Variants in CRADD observed in about 807,000 individuals in gnomAD.
CRADD encodes death domain-containing protein CRADD.
Under a neutral mutation model 15.5 loss-of-function variants are expected in CRADD, and 9 were observed. That is an observed-to-expected ratio of 0.58 (90% CI 0.35 to 1.01). The LOEUF is 1.01. Ranked by LOEUF, CRADD falls within the 50% of genes least tolerant of loss-of-function variation. The pLI is 0.02. For synonymous variants in CRADD, 118 were observed against 107.6 expected (o/e 1.10, Z -0.60); for missense variants, 227 against 250.3 (o/e 0.91, Z 0.63).
chr12:93,802,324 C>T (rs979930191), intron 2 of CRADD, among the ~76,000 whole-genome samples: 1 of 152,164 alleles, frequency 6.6e-6, no homozygotes, highest in African/African-American at 2.4e-5. Flanking sequence ...AAAAGTGTTT[C>T]CTTTTAACCA....
At chr12:93,692,732 T>A (rs1217152949) in intron 2 of CRADD, among the ~76,000 whole-genome samples, 1 of 152,174 alleles carries the variant, frequency 6.6e-6, no homozygotes, top group African/African-American at 2.4e-5. Flanking sequence ...TAGTGGAGTC[T>A]TCAAGTGGAA....
chr12:93,749,685 T>C (rs1465410834), intron 2 of CRADD, among the ~76,000 whole-genome samples: 2 of 152,232 alleles, frequency 1.3e-5, no homozygotes. Flanking sequence ...TGAGCAATTC[T>C]CCTGTTATCT....
At position 93,886,955 on chromosome 12, in the gene CRADD, G is replaced by A. The variant is rs141555833; in HGVS notation, c.299-7095G>A. On this transcript the variant is annotated intron_variant, in intron 2 of 2. Transcript: ENST00000548483. ...GCGCAAGACAGAGAGTGAGGTGGGA[G>A]GCTGGTGCCATTCTGATTCTGCAGA... is the stretch of plus-strand genomic sequence containing the variant. Among the ~76,000 whole-genome samples, 195 of 152,328 alleles carry A rather than the reference G, an allele frequency of 1.3e-3. 2 individuals carry two copies. The highest frequency in any genetic ancestry group is 4.5e-3 in the African/African-American group (189 of 41,560).
chr12:93,854,065 T>A (rs532415945), downstream of CRADD, among the ~76,000 whole-genome samples: 1 of 152,366 alleles, frequency 6.6e-6, no homozygotes, highest in South Asian at 2.1e-4. Context: ...ATTAGCTTTT[T>A]TATATAGCAA....
chr12:93,731,020 C>T (rs138375263), intron 2 of CRADD, among the ~76,000 whole-genome samples: 3 of 151,968 alleles, frequency 2.0e-5, no homozygotes, highest in Non-Finnish European at 4.4e-5. Flanking sequence ...ACCCGGCTGA[C>T]CCTCATTTGC....
chr12:93,841,795 G>C (rs879393897), intron 2 of CRADD, among the ~76,000 whole-genome samples: 3 of 152,148 alleles, frequency 2.0e-5, no homozygotes, highest in Non-Finnish European at 4.4e-5. Context: ...CTTCTAAAAA[G>C]CGGCTGTGCT....
At chr12:93,736,793 A>G (rs548824984) in intron 2 of CRADD, among the ~76,000 whole-genome samples, 1 of 152,356 alleles carries the variant, frequency 6.6e-6, no homozygotes, top group East Asian at 1.9e-4. Context: ...AGGATCAACC[A>G]CCAGCATCTA....
chr12:93,781,308 G>T (rs1957207802), intron 2 of CRADD, among the ~76,000 whole-genome samples: 1 of 152,182 alleles, frequency 6.6e-6, no homozygotes. Flanking sequence ...TTCTGAGATT[G>T]TTAGGGCACC....
intron 2 of CRADD, among the ~76,000 whole-genome samples, chr12:93,865,310 T>C (rs905068879): frequency 2.0e-5 from 3 of 152,240 alleles, no homozygotes; most frequent in African/African-American, 4.8e-5. Flanking sequence ...TTGGTATCCA[T>C]GGCAGACTTG....
intron 2 of CRADD, among the ~76,000 whole-genome samples, chr12:93,788,519 A>G (rs1014791292): frequency 6.6e-6 from 1 of 152,066 alleles, no homozygotes; most frequent in African/African-American, 2.4e-5. Flanking sequence ...TCCTTAGCAA[A>G]TGTACCACTG....
intron 2 of CRADD, chr12:93,859,507 A>C (rs991430565): frequency 8.6e-5 from 33 of 382,582 alleles, no homozygotes; most frequent in African/African-American, 6.5e-4. Flanking sequence ...CTGGACAATT[A>C]AGGATATGAT....
intron 2 of CRADD, among the ~76,000 whole-genome samples, chr12:93,682,700 T>G (rs533902884): frequency 2.6e-4 from 39 of 152,286 alleles, no homozygotes; most frequent in African/African-American, 9.1e-4. Context: ...ATCTTGTTCT[T>G]CTCTACTCTT....
intron 2 of CRADD, among the ~76,000 whole-genome samples, chr12:93,745,805 T>G (rs1424489092): frequency 6.6e-6 from 1 of 152,228 alleles, no homozygotes; most frequent in East Asian, 1.9e-4. Context: ...TGGAATGATT[T>G]AGAGTTCTGA....
At chr12:93,825,412 T>C (rs1957812819) in intron 2 of CRADD, among the ~76,000 whole-genome samples, 1 of 152,248 alleles carries the variant, frequency 6.6e-6, no homozygotes, top group Non-Finnish European at 1.5e-5. Flanking sequence ...TGGGAGAAGA[T>C]GATGGTGATA....
chr12:93,737,352 G>T (rs1325632412), intron 2 of CRADD, among the ~76,000 whole-genome samples: 1 of 152,154 alleles, frequency 6.6e-6, no homozygotes, highest in East Asian at 1.9e-4. Flanking sequence ...TAGCTTGAAT[G>T]GTATTTTTGC....
intron 2 of CRADD, among the ~76,000 whole-genome samples, chr12:93,692,423 T>C (rs1955596896): frequency 6.6e-6 from 1 of 152,118 alleles, no homozygotes. Context: ...CTAAGCCTTA[T>C]TATAATTAAA....
intron 2 of CRADD, among the ~76,000 whole-genome samples, chr12:93,754,806 G>A (rs1011360675): frequency 6.6e-6 from 1 of 152,070 alleles, no homozygotes; most frequent in East Asian, 1.9e-4. Flanking sequence ...CTTCTTCTTA[G>A]CCCTCCAAAC....
intron 2 of CRADD, among the ~76,000 whole-genome samples, chr12:93,695,642 C>T (rs995750500): frequency 6.6e-6 from 1 of 152,190 alleles, no homozygotes; most frequent in Non-Finnish European, 1.5e-5. Context: ...GTGGTTCATG[C>T]GTGTAATCCC....
At chr12:93,718,639 C>T (rs1956204157) in intron 2 of CRADD, among the ~76,000 whole-genome samples, 1 of 152,098 alleles carries the variant, frequency 6.6e-6, no homozygotes, top group Non-Finnish European at 1.5e-5. Flanking sequence ...ATCTACATAC[C>T]TTTTGTTTCT....
Sources: gnomAD v4.1 joint callset for allele counts (sites outside exome capture counted in the v4.1 genomes callset) on GRCh38, gnomAD v4.1.1 for gene constraint, MANE v1.5 for transcripts, NCBI Gene and HGNC (gene_info 2026-07-23, HGNC 2026-07-21) for gene names.